Variants in RNGTT observed in about 807,000 individuals in gnomAD.
RNGTT encodes RNA guanylyltransferase and 5'-phosphatase.
A neutral mutation model predicts 79.3 loss-of-function variants in RNGTT; 33 were observed. The observed-to-expected ratio is 0.42, with a 90% CI of 0.32 to 0.56. The LOEUF (loss-of-function observed/expected upper bound fraction) is 0.56, where lower values mean the gene tolerates loss of function less well. Among genes scored for constraint, RNGTT ranks in the 20% least tolerant of loss-of-function variants. RNGTT has a pLI of 0.17. For missense variants in RNGTT, 497 were observed against 739.1 expected, an observed-to-expected ratio of 0.67 and a Z score of 3.80; for synonymous variants, 222 against 235.9, an observed-to-expected ratio of 0.94 and a Z score of 0.54.
At chr6:88,707,277 G>GA (rs1186932478) in intron 13 of RNGTT, among the ~76,000 whole-genome samples, 3 of 149,520 alleles carry the variant, frequency 2.0e-5, no homozygotes, top group African/African-American at 4.9e-5. Flanking sequence ...ACTGTGTGAA[G>GA]AAAAAAAAAG....
intron 5 of RNGTT, among the ~76,000 whole-genome samples, chr6:88,906,161 A>G (rs13209894): frequency 0.095 from 14,494 of 152,160 alleles, 882 homozygotes; most frequent in Middle Eastern, 0.2. Context: ...ACAAAACAAA[A>G]CATACATATA....
intron 8 of RNGTT, among the ~76,000 whole-genome samples, chr6:88,864,146 C>T (rs1782096243): frequency 1.3e-5 from 2 of 152,110 alleles, no homozygotes; most frequent in African/African-American, 4.8e-5. Flanking sequence ...ATCTCCCATA[C>T]TCCAATTAAC....
intron 4 of RNGTT, among the ~76,000 whole-genome samples, chr6:88,920,077 ATGAAGT>A (rs1294814497): frequency 6.6e-6 from 1 of 151,954 alleles, no homozygotes; most frequent in East Asian, 1.9e-4. Flanking sequence ...AATTTGTGGG[ATGAAGT>A]TGAAGTCCAG....
chr6:88,907,723 T>C lies in RNGTT; in HGVS notation c.368-1283A>G, dbSNP rs529173059. On this transcript the variant is annotated intron_variant, in intron 4 of 15. Coordinates refer to ENST00000369485, the MANE Select transcript of RNGTT (RefSeq NM_003800.5). ...TATTTAATTAAAGGATATCCTAATA[T>C]TTAAGCTGTATCTTTTTTTTTTTTT... 2.6e-5 allele frequency among the ~76,000 whole-genome samples: 4 copies of C among 151,742 alleles called. No individual in the cohort carries two copies. The East Asian group carries it at 7.7e-4, about 29-fold the overall frequency.
intron 11 of RNGTT, among the ~76,000 whole-genome samples, chr6:88,834,856 C>A (rs77036312): frequency 1.3e-5 from 2 of 151,306 alleles, no homozygotes; most frequent in African/African-American, 2.4e-5. Flanking sequence ...AAATGAAATA[C>A]ATAAACATAA....
intron 14 of RNGTT, among the ~76,000 whole-genome samples, chr6:88,652,849 G>A (rs1006864787): frequency 2.0e-5 from 3 of 152,128 alleles, no homozygotes; most frequent in African/African-American, 4.8e-5. Flanking sequence ...GGTAAGGATG[G>A]AGGGAGAGTT....
intron 11 of RNGTT, among the ~76,000 whole-genome samples, chr6:88,803,576 CAAAAA>C (rs146140117): frequency 3.6e-5 from 2 of 56,140 alleles, no homozygotes; most frequent in Non-Finnish European, 3.5e-5. Context: ...GACTCCATCT[CAAAAA>C]AAAAAAAAAA....
chr6:88,774,988 A>G (rs73754822), intron 12 of RNGTT, among the ~76,000 whole-genome samples: 3,759 of 152,298 alleles, frequency 0.025, 142 homozygotes, highest in African/African-American at 0.085. Context: ...CTTAAGCATT[A>G]TAACTTCCTA....
intron 13 of RNGTT, among the ~76,000 whole-genome samples, chr6:88,713,631 ATATT>A (rs1257176444): frequency 1.3e-5 from 2 of 152,208 alleles, no homozygotes; most frequent in Non-Finnish European, 2.9e-5. Flanking sequence ...TATATGTACT[ATATT>A]TATGTTTGTT....
intron 14 of RNGTT, among the ~76,000 whole-genome samples, chr6:88,615,741 G>T (rs1772193505): frequency 6.6e-6 from 1 of 152,074 alleles, no homozygotes; most frequent in Admixed American, 6.5e-5. Flanking sequence ...TTCTAAAATG[G>T]GGAACAAGTT....
rs180688534 is a variant in RNGTT at position 88,888,005 on chromosome 6, G to A, written c.896+2490C>T. 1.9e-3 allele frequency among the ~76,000 whole-genome samples: 293 copies of A among 152,148 alleles called. 2 individuals are homozygous for A. Among genetic ancestry groups the A allele is most frequent in the East Asian group, 9.5e-3 (49 of 5,164 alleles). ...AGTGGTGCATGTCTGTAATCCCAGCGACTCTGGAGGCTGAGGTGGGAGAAT... is the reference window on the plus strand; with the variant it reads ...AGTGGTGCATGTCTGTAATCCCAGCAACTCTGGAGGCTGAGGTGGGAGAAT... On this transcript the variant is annotated intron_variant, in intron 8 of 15. Transcript: ENST00000369485.
At chr6:88,895,486 G>C (rs576320692) in intron 6 of RNGTT, among the ~76,000 whole-genome samples, 1 of 151,932 alleles carries the variant, frequency 6.6e-6, no homozygotes, top group African/African-American at 2.4e-5. Flanking sequence ...GCACAGCATC[G>C]GACATGTGCC....
chr6:88,748,875 G>GA (rs952154867), intron 13 of RNGTT, among the ~76,000 whole-genome samples: 32 of 148,126 alleles, frequency 2.2e-4, no homozygotes, highest in South Asian at 4.3e-4. Context: ...TCCAGTTGGG[G>GA]AAAAAAAAAA....
At chr6:88,732,085 G>T (rs912246093) in intron 13 of RNGTT, among the ~76,000 whole-genome samples, 1 of 152,058 alleles carries the variant, frequency 6.6e-6, no homozygotes, top group African/African-American at 2.4e-5. Flanking sequence ...GCTGTCTCAG[G>T]GGTGGCAGAG....
chr6:88,930,785 G>A, intron 2 of RNGTT, among the ~76,000 whole-genome samples: 1 of 152,116 alleles, frequency 6.6e-6, no homozygotes, highest in East Asian at 1.9e-4. Context: ...AAGAGCTAAG[G>A]AGTCTGGAGA....
intron 14 of RNGTT, among the ~76,000 whole-genome samples, chr6:88,643,197 G>A (rs952793743): frequency 6.6e-6 from 1 of 151,840 alleles, no homozygotes; most frequent in Non-Finnish European, 1.5e-5. Context: ...TATACTTCCT[G>A]TTGACCAGGT....
rs71024314 is a variant in RNGTT, at chr6:88,901,495, C to CTTTTTTTTTTTTTTTT, written c.684+3204_684+3219dup. On this transcript the variant is annotated intron_variant, in intron 6 of 15. Coordinates refer to ENST00000369485, the MANE Select transcript of RNGTT (RefSeq NM_003800.5). ...AAAAATAACTGTCAAGCACCCTGAT[C>CTTTTTTTTTTTTTTTT]TTTTTTTTTTTTTTTTTTTTTTTTT... Among the ~76,000 whole-genome samples, 90 of 65,810 alleles carry CTTTTTTTTTTTTTTTT rather than the reference C, an allele frequency of 1.4e-3. 9 individuals carry two copies. Among genetic ancestry groups the CTTTTTTTTTTTTTTTT allele is most frequent in the Non-Finnish European group, 1.9e-3 (68 of 36,368 alleles). The allele number at this position is 65,810 out of a possible 152,430, so 43.2% of individuals were successfully genotyped here. A position where few individuals can be genotyped will look rare whatever the true frequency, so the allele number is the denominator to read the frequency against.
At chr6:88,960,862 A>G (rs1785592480) in intron 1 of RNGTT, among the ~76,000 whole-genome samples, 1 of 152,246 alleles carries the variant, frequency 6.6e-6, no homozygotes. Flanking sequence ...GAATCCTAAC[A>G]TTTACAACAT....
At chr6:88,814,145 T>G (rs1039475271) in intron 11 of RNGTT, among the ~76,000 whole-genome samples, 4 of 152,118 alleles carry the variant, frequency 2.6e-5, no homozygotes, top group African/African-American at 9.7e-5. Flanking sequence ...ATTAGACTTG[T>G]GTACGTATTA....
Sources: gnomAD v4.1 joint callset for allele counts (sites outside exome capture counted in the v4.1 genomes callset) on GRCh38, gnomAD v4.1.1 for gene constraint, MANE v1.5 for transcripts, NCBI Gene and HGNC (gene_info 2026-07-23, HGNC 2026-07-21) for gene names.